CTNNA3: variants seen among roughly 807,000 people sequenced by gnomAD.
CTNNA3 encodes the protein catenin alpha 3.
CTNNA3 carries 76 observed loss-of-function variants against 95.7 expected under a neutral mutation model. The observed-to-expected ratio is 0.79, with a 90% confidence interval of 0.66 to 0.96. The LOEUF is 0.96. Among genes scored for constraint, CTNNA3 ranks in the 40% least tolerant of loss-of-function variants. The pLI is 0.00. For synonymous variants in CTNNA3, 431 were observed against 374.4 expected (o/e 1.15, Z -1.74); for missense variants, 1,191 against 1,089.8 (o/e 1.09, Z -1.31).
intron 12 of CTNNA3, among the ~76,000 whole-genome samples, chr10:66,371,811 G>A (rs1024745701): frequency 6.6e-6 from 1 of 152,152 alleles, no homozygotes. Context: ...CCCTATGCAT[G>A]CTGACAGCCA....
intron 9 of CTNNA3, among the ~76,000 whole-genome samples, chr10:66,691,622 C>T (rs12241765): frequency 0.17 from 26,586 of 151,998 alleles, 2,892 homozygotes; most frequent in East Asian, 0.33. Flanking sequence ...TATCCCAGCA[C>T]GCAGCTGGAG....
intron 15 of CTNNA3, among the ~76,000 whole-genome samples, chr10:66,029,358 T>A (rs2079407182): frequency 6.9e-6 from 1 of 145,952 alleles, no homozygotes; most frequent in East Asian, 2.3e-4. Flanking sequence ...CCCAATCACA[T>A]CTCTGACCTC....
chr10:66,530,296 G>A (rs1351862029), intron 10 of CTNNA3, among the ~76,000 whole-genome samples: 1 of 152,062 alleles, frequency 6.6e-6, no homozygotes, highest in Non-Finnish European at 1.5e-5. Flanking sequence ...TGTATGTGAG[G>A]TGAATTTATG....
intron 17 of CTNNA3, among the ~76,000 whole-genome samples, chr10:65,935,958 T>C (rs1194498263): frequency 1.3e-5 from 2 of 152,116 alleles, no homozygotes; most frequent in Non-Finnish European, 2.9e-5. Flanking sequence ...GAATAGACAG[T>C]CAAGAGTTTA....
chr10:66,500,067 C>T (rs1840229031), intron 11 of CTNNA3, among the ~76,000 whole-genome samples: 2 of 151,938 alleles, frequency 1.3e-5, no homozygotes, highest in South Asian at 4.2e-4. Flanking sequence ...TCCCAAAGTG[C>T]TAGGATTACA....
chr10:66,033,142 T>TC (rs1419430828), intron 15 of CTNNA3, among the ~76,000 whole-genome samples: 1 of 149,292 alleles, frequency 6.7e-6, no homozygotes, highest in Non-Finnish European at 1.5e-5. Context: ...TTTCTTTTTT[T>TC]TTTTTTTGAG....
chr10:66,286,366 C>T (rs190660488), intron 12 of CTNNA3, among the ~76,000 whole-genome samples: 7 of 152,042 alleles, frequency 4.6e-5, no homozygotes, highest in Admixed American at 4.6e-4. Context: ...CTAGGGATTA[C>T]TTTGATTTTT....
intron 7 of CTNNA3, among the ~76,000 whole-genome samples, chr10:66,881,634 T>G (rs887801174): frequency 1.2e-4 from 19 of 152,084 alleles, no homozygotes; most frequent in African/African-American, 4.6e-4. Context: ...GTGTGGGCCC[T>G]TGGGTATAGG....
intron 1 of CTNNA3, among the ~76,000 whole-genome samples, chr10:67,725,114 G>C (rs1841201519): frequency 6.6e-6 from 1 of 151,430 alleles, no homozygotes; most frequent in African/African-American, 2.4e-5. Context: ...CGGATTCGTA[G>C]TTCTCCATGA....
At chr10:67,691,459 C>A (rs1372542924) in intron 1 of CTNNA3, among the ~76,000 whole-genome samples, 1 of 151,848 alleles carries the variant, frequency 6.6e-6, no homozygotes, top group Non-Finnish European at 1.5e-5. Flanking sequence ...GCGCCTCTTC[C>A]CGGCCACCAT....
At chr10:67,301,795 C>T (rs1030240847) in intron 5 of CTNNA3, among the ~76,000 whole-genome samples, 2 of 151,940 alleles carry the variant, frequency 1.3e-5, no homozygotes, top group African/African-American at 2.4e-5. Flanking sequence ...GGTGAAACCC[C>T]GTCTCTACTA....
At chr10:66,963,348 G>A (rs1849227271) in intron 7 of CTNNA3, among the ~76,000 whole-genome samples, 1 of 152,108 alleles carries the variant, frequency 6.6e-6, no homozygotes, top group African/African-American at 2.4e-5. Flanking sequence ...ATAAGCCTCA[G>A]TTATTTGCTT....
rs182882039 is a variant in CTNNA3, at chr10:66,756,534, C to T, written c.1281+9730G>A. 2.3e-3 allele frequency among the ~76,000 whole-genome samples: 349 copies of T among 152,178 alleles called. 1 individual carries two copies. In the Middle Eastern group the frequency reaches 0.037, roughly 16 times the overall value. On this transcript the variant is annotated intron_variant, in intron 9 of 17. Transcript: ENST00000433211. ...TCATGAAAGGGACTTTCTGGGTATA[C>T]ACAGCTACAGATTTAACTAGGTCTA...
chr10:67,653,414 T>G lies in CTNNA3; in HGVS notation c.-5-5896A>C, dbSNP rs572720853. ...CATATGTCCCTCTTCTCATCTTTAATTCATATTCTTTCAAATTTGTACCCC... is the reference window on the plus strand; with the variant it reads ...CATATGTCCCTCTTCTCATCTTTAAGTCATATTCTTTCAAATTTGTACCCC... On this transcript the variant is annotated intron_variant, in intron 1 of 17. Coordinates refer to ENST00000433211, the MANE Select transcript of CTNNA3 (RefSeq NM_013266.4). Among the ~76,000 whole-genome samples the G allele has an allele frequency of 1.6e-4, 24 of 152,306 alleles. 1 individual carries two copies. In the South Asian group the frequency reaches 4.8e-3, roughly 30 times the overall value.
intron 13 of CTNNA3, among the ~76,000 whole-genome samples, chr10:66,215,058 G>A (rs2088432446): frequency 6.6e-6 from 1 of 151,602 alleles, no homozygotes; most frequent in Non-Finnish European, 1.5e-5. Context: ...ACTAATACTT[G>A]AAAAAAAAGG....
chr10:67,561,985 T>C (rs1841529722), intron 3 of CTNNA3, among the ~76,000 whole-genome samples: 1 of 152,116 alleles, frequency 6.6e-6, no homozygotes, highest in Non-Finnish European at 1.5e-5. Context: ...TCTGAAATTG[T>C]GGCAATAATC....
chr10:67,742,549 G>A (rs1298894459), intron 1 of CTNNA3, among the ~76,000 whole-genome samples: 1 of 150,950 alleles, frequency 6.6e-6, no homozygotes, highest in Admixed American at 6.6e-5. Flanking sequence ...AGAGAAAGCA[G>A]GAAAGATCTA....
intron 15 of CTNNA3, among the ~76,000 whole-genome samples, chr10:66,056,400 G>A (rs1023171811): frequency 5.3e-5 from 8 of 152,134 alleles, no homozygotes; most frequent in Admixed American, 1.3e-4. Context: ...GATGATGAAT[G>A]TACTTTTTAA....
chr10:67,234,139 G>A lies in CTNNA3; in HGVS notation c.580-14269C>T, dbSNP rs866659299. ...AACTATTCCAATCAATAGAAAAAGA[G>A]GGAATCCTCCCTAACTCATTTTATG... is the stretch of plus-strand genomic sequence containing the variant. On this transcript the variant is annotated intron_variant, in intron 5 of 17. Transcript: ENST00000433211. Among the ~76,000 whole-genome samples the A allele has an allele frequency of 2.6e-5, 4 of 152,282 alleles. No individual in the cohort carries two copies. The South Asian group carries it at 8.3e-4, about 32-fold the overall frequency.
Sources: gnomAD v4.1 joint callset for allele counts (sites outside exome capture counted in the v4.1 genomes callset) on GRCh38, gnomAD v4.1.1 for gene constraint, MANE v1.5 for transcripts, NCBI Gene and HGNC (gene_info 2026-07-23, HGNC 2026-07-21) for gene names.